The following PLEKHM3 variants were observed in gnomAD, a reference collection of about 807,000 sequenced individuals.
PLEKHM3 encodes the protein pleckstrin homology domain-containing family M member 3.
PLEKHM3 carries 45 observed loss-of-function variants against 81.8 expected under a neutral mutation model. The ratio of observed to expected loss-of-function variants is 0.55; its 90% CI spans 0.43 to 0.71. The LOEUF is 0.71. Among genes scored for constraint, PLEKHM3 ranks in the 30% least tolerant of loss-of-function variants. The pLI is 0.00. For missense variants in PLEKHM3, 788 were observed against 924.3 expected, an observed-to-expected ratio of 0.85 and a Z score of 1.91; for synonymous variants, 352 against 356.4, an observed-to-expected ratio of 0.99 and a Z score of 0.14.
chr2:207,901,422 G>A (rs1688422413), intron 6 of PLEKHM3: 2 of 691,922 alleles, frequency 2.9e-6, no homozygotes, highest in Admixed American at 2.0e-5. Flanking sequence ...CAGAAAACTA[G>A]TAGTTATGCT....
chr2:208,009,859 A>G (rs10497892), intron 1 of PLEKHM3, among the ~76,000 whole-genome samples: 98,582 of 152,048 alleles, frequency 0.65, 32,970 homozygotes, highest in Non-Finnish European at 0.73. Context: ...TTATAGGCTC[A>G]TTTCAGTAAA....
In PLEKHM3 at chr2:207,916,685, T is replaced by C. The variant is rs567512848; in HGVS notation, c.1887-8108A>G. ...ATCACTTGAACCCAGGAGGCGGAGG[T>C]TGCAGTGAGCCAAGACTGCACCACT... On this transcript the variant is annotated intron_variant, in intron 5 of 7. Coordinates refer to ENST00000427836, the MANE Select transcript of PLEKHM3 (RefSeq NM_001080475.3). Among the ~76,000 whole-genome samples the C allele has an allele frequency of 2.2e-4, 33 of 152,080 alleles. 1 individual carries two copies. The South Asian group carries it at 5.8e-3, about 27-fold the overall frequency.
At chr2:207,982,219 C>T in intron 2 of PLEKHM3, among the ~76,000 whole-genome samples, 1 of 126,760 alleles carries the variant, frequency 7.9e-6, no homozygotes, top group African/African-American at 2.9e-5. Context: ...GTTCCTCCCT[C>T]CCTCCCTCCC....
intron 6 of PLEKHM3, among the ~76,000 whole-genome samples, chr2:207,866,979 T>C (rs1365210675): frequency 2.6e-5 from 4 of 152,240 alleles, no homozygotes; most frequent in South Asian, 2.1e-4. Flanking sequence ...TTGACAATTT[T>C]TACCCATACA....
chr2:207,928,502 T>G (rs929179983), intron 5 of PLEKHM3, among the ~76,000 whole-genome samples: 1 of 152,266 alleles, frequency 6.6e-6, no homozygotes, highest in Admixed American at 6.5e-5. Flanking sequence ...ATAATAGTAT[T>G]TACTGTATGC....
chr2:207,866,071 CT>C (rs112478978), intron 6 of PLEKHM3, among the ~76,000 whole-genome samples: 4 of 151,714 alleles, frequency 2.6e-5, no homozygotes, highest in Non-Finnish European at 5.9e-5. Flanking sequence ...AGATGTCAGT[CT>C]TTTTTCTTAG....
In PLEKHM3 at chr2:207,827,467, A is replaced by T. The variant is rs1416218006; in HGVS notation, c.*852T>A. 1 of 152,186 alleles carries T rather than the reference A, an allele frequency of 6.6e-6. No individual in the cohort carries two copies. Among genetic ancestry groups the T allele is most frequent in the Non-Finnish European group, 1.5e-5 (1 of 68,050 alleles). The allele number at this position is 152,186 out of a possible 1,614,324, so 9.4% of individuals were successfully genotyped here. On this transcript the variant is annotated 3_prime_UTR_variant, in exon 8 of 8. Coordinates refer to ENST00000427836, the MANE Select transcript of PLEKHM3 (RefSeq NM_001080475.3). The stretch of plus-strand genomic sequence containing the variant: ...CAGCATCATGAAAAAAATCATAAAT[A>T]TCAACCATGGGCACCCGTTGAAAAC...
At chr2:207,835,160 G>C (rs1196779821) in intron 7 of PLEKHM3, among the ~76,000 whole-genome samples, 8 of 151,844 alleles carry the variant, frequency 5.3e-5, no homozygotes. Flanking sequence ...GGCCAGGCTA[G>C]TCTCGAACTC....
chr2:208,021,426 A>G (rs1311132679), intron 1 of PLEKHM3, among the ~76,000 whole-genome samples: 2 of 152,230 alleles, frequency 1.3e-5, no homozygotes, highest in Non-Finnish European at 2.9e-5. Flanking sequence ...CTACTGAGAA[A>G]TAAGTTTCCA....
chr2:207,843,952 G>A lies in PLEKHM3; in HGVS notation c.2109-15456C>T, dbSNP rs574510596. On this transcript the variant is annotated intron_variant, in intron 7 of 7. Transcript: ENST00000427836. The surrounding 1 kb of genome is among the most constrained non-coding windows in gnomAD (Gnocchi z 4.4). ...AGATAAATTAACCAAGCATGGTGGCGTGCATCTGTAGTCCCAGTTACCTGG... is the reference window on the plus strand; with the variant it reads ...AGATAAATTAACCAAGCATGGTGGCATGCATCTGTAGTCCCAGTTACCTGG... Among the ~76,000 whole-genome samples, 3 of 152,082 alleles carry A rather than the reference G, an allele frequency of 2.0e-5. No homozygotes were observed. The highest frequency in any genetic ancestry group is 2.1e-4 in the South Asian group (1 of 4,816).
At position 207,858,485 on chromosome 2, in the gene PLEKHM3, A is replaced by ATT. The variant is rs59555910; in HGVS notation, c.2108+2618_2108+2619dup. Among the ~76,000 whole-genome samples, 410 of 141,274 alleles carry ATT rather than the reference A, an allele frequency of 2.9e-3. 3 individuals carry two copies. Among genetic ancestry groups the ATT allele is most frequent in the African/African-American group, 0.01 (391 of 38,638 alleles). 92.7% of individuals were successfully genotyped at this position (141,274 alleles called of 152,430 possible). Reference sequence around the variant, plus strand: ...ATTTAGAAATTCTTTACTAAACATGATTTTTTTTTTTTTTGAGACAGTTTT... The same window carrying ATT: ...ATTTAGAAATTCTTTACTAAACATGATTTTTTTTTTTTTTTTGAGACAGTTTT... On this transcript the variant is annotated intron_variant, in intron 7 of 7. Coordinates refer to ENST00000427836, the MANE Select transcript of PLEKHM3 (RefSeq NM_001080475.3).
chr2:207,892,344 A>G lies in PLEKHM3; in HGVS notation c.1950+16170T>C, dbSNP rs115952216. 2.6e-4 allele frequency among the ~76,000 whole-genome samples: 39 copies of G among 152,292 alleles called. 1 individual carries two copies. The highest frequency in any genetic ancestry group is 8.9e-4 in the African/African-American group (37 of 41,552). ...ACACAGCATACCATTTACCATACAC[A>G]TCCATACCAATGCATCATAATCATT... is the stretch of plus-strand genomic sequence containing the variant. On this transcript the variant is annotated intron_variant, in intron 6 of 7. Coordinates refer to ENST00000427836, the MANE Select transcript of PLEKHM3 (RefSeq NM_001080475.3).
intron 6 of PLEKHM3, among the ~76,000 whole-genome samples, chr2:207,896,230 G>T (rs1343666701): frequency 6.6e-6 from 1 of 152,218 alleles, no homozygotes; most frequent in Non-Finnish European, 1.5e-5. Flanking sequence ...AAGAAACTGG[G>T]ATTCGAGAAG....
intron 3 of PLEKHM3, among the ~76,000 whole-genome samples, chr2:207,963,511 G>A (rs143687155): frequency 1.3e-5 from 2 of 152,330 alleles, no homozygotes; most frequent in African/African-American, 4.8e-5. Flanking sequence ...AAGTCAGAAT[G>A]AAAGCAGGAA....
At position 207,954,980 on chromosome 2, in the gene PLEKHM3, A is replaced by T. The variant is rs545537332; in HGVS notation, c.1547-8468T>A. 7.6e-4 allele frequency among the ~76,000 whole-genome samples: 116 copies of T among 152,354 alleles called. 1 individual carries two copies. The South Asian group carries it at 0.023, about 30-fold the overall frequency. The stretch of plus-strand genomic sequence containing the variant: ...GTCTTTCAGGTAAACAATGATTGAG[A>T]ACCTAAAGTCAATATTTAGTCAAAA... On this transcript the variant is annotated intron_variant, in intron 3 of 7. Coordinates refer to ENST00000427836, the MANE Select transcript of PLEKHM3 (RefSeq NM_001080475.3).
Position 207,826,625 on chromosome 2 carries a change from CA to C in PLEKHM3, c.*1693del, listed in dbSNP as rs2092253115. 1 of 152,082 alleles carries C rather than the reference CA, an allele frequency of 6.6e-6. No individual in the cohort carries two copies. The highest frequency in any genetic ancestry group is 1.9e-4 in the East Asian group (1 of 5,198). The allele number at this position is 152,082 out of a possible 1,614,324, so 9.4% of individuals were successfully genotyped here. On this transcript the variant is annotated 3_prime_UTR_variant, in exon 8 of 8. Coordinates refer to ENST00000427836, the MANE Select transcript of PLEKHM3 (RefSeq NM_001080475.3). ...GGTAAAATGCTTACATCTAACTGCA[CA>C]AAAGTCAGTCTGAAATGTCACATCT...
chr2:207,959,383 G>T (rs1441895514), intron 3 of PLEKHM3, among the ~76,000 whole-genome samples: 1 of 152,098 alleles, frequency 6.6e-6, no homozygotes, highest in African/African-American at 2.4e-5. Flanking sequence ...CCTCCTATTG[G>T]CTTAGAGGTT....
At chr2:207,884,548 C>G (rs1687824690) in intron 6 of PLEKHM3, among the ~76,000 whole-genome samples, 1 of 152,270 alleles carries the variant, frequency 6.6e-6, no homozygotes, top group East Asian at 1.9e-4. Flanking sequence ...CTTGAAGAGA[C>G]TAAATGGCTA....
intron 1 of PLEKHM3, among the ~76,000 whole-genome samples, chr2:208,022,830 A>G (rs1023120688): frequency 7.2e-5 from 11 of 152,234 alleles, no homozygotes; most frequent in African/African-American, 2.4e-4. Context: ...ATCTTATTAT[A>G]TGCACAGGTT....
Sources: allele counts gnomAD v4.1 joint callset (sites outside exome capture counted in the v4.1 genomes callset), GRCh38; gene constraint gnomAD v4.1.1; non-coding constraint Gnocchi (gnomAD v3.1); transcripts MANE v1.5; gene names NCBI Gene and HGNC (gene_info 2026-07-23, HGNC 2026-07-21).